Variants in MEGF6 observed in about 807,000 individuals in gnomAD.
The protein encoded by MEGF6 is multiple epidermal growth factor-like domains protein 6.
Under a neutral mutation model 207.1 loss-of-function variants are expected in MEGF6, and 184 were observed. The observed-to-expected ratio is 0.89, with a 90% CI of 0.79 to 1.00. The LOEUF (loss-of-function observed/expected upper bound fraction) is 1.00. Ranked by LOEUF, MEGF6 falls within the 50% of genes least tolerant of loss-of-function variation. MEGF6 has a pLI of 0.00. For missense variants in MEGF6, 2,282 were observed against 2,202.9 expected (o/e 1.04, Z -0.72); for synonymous variants, 1,038 against 910.0 (o/e 1.14, Z -2.53).
intron 2 of MEGF6, among the ~76,000 whole-genome samples, chr1:3,597,005 C>G (rs1210150075): frequency 6.6e-6 from 1 of 152,194 alleles, no homozygotes; most frequent in Admixed American, 6.5e-5. Flanking sequence ...GCCAACCACC[C>G]GCTCCATGCC....
chr1:3,553,568 C>G lies in MEGF6; in HGVS notation c.481+26257G>C, dbSNP rs113963882. Among the ~76,000 whole-genome samples the G allele has an allele frequency of 1.4e-3, 210 of 152,312 alleles. 1 individual carries two copies. Among genetic ancestry groups the G allele is most frequent in the African/African-American group, 4.7e-3 (196 of 41,568 alleles). On this transcript the variant is annotated intron_variant, in intron 4 of 36. Coordinates refer to ENST00000356575, the MANE Select transcript of MEGF6 (RefSeq NM_001409.4). ...CCTGAGCCAAGTCCGCCCACTGGGC[C>G]TCAGGCTATGGCAGGAGCAGGATTT...
chr1:3,517,009 C>G (rs867233557), intron 5 of MEGF6, among the ~76,000 whole-genome samples: 45 of 152,344 alleles, frequency 3.0e-4, no homozygotes, highest in Non-Finnish European at 5.4e-4. Flanking sequence ...CCCCCAGGCC[C>G]GGCCTGCCTC....
At chr1:3,521,509 G>A (rs746821554) in intron 5 of MEGF6, among the ~76,000 whole-genome samples, 15 of 152,106 alleles carry the variant, frequency 9.9e-5, no homozygotes, top group Admixed American at 3.9e-4. Context: ...ATCCCAGGCC[G>A]GCGTCTCAGG....
chr1:3,529,233 G>A (rs1453482012), intron 4 of MEGF6, among the ~76,000 whole-genome samples: 3 of 152,296 alleles, frequency 2.0e-5, no homozygotes, highest in South Asian at 2.1e-4. Flanking sequence ...ACTGGCCCCC[G>A]AGACTCAGAG....
intron 5 of MEGF6, among the ~76,000 whole-genome samples, chr1:3,519,451 G>A (rs537072801): frequency 3.0e-4 from 46 of 152,370 alleles, no homozygotes; most frequent in South Asian, 2.1e-3. Flanking sequence ...CCCAATGCCC[G>A]CAGTGCTTGC....
chr1:3,553,309 C>CGCCTCCAGCAGGACCCCCGCT (rs1553201172), intron 4 of MEGF6, among the ~76,000 whole-genome samples: 2 of 151,994 alleles, frequency 1.3e-5, no homozygotes, highest in African/African-American at 2.4e-5. Context: ...GTGAGCCTGG[C>CGCCTCCAGCAGGACCCCCGCT]GCCTCCAGCA....
rs772397862 is a variant in MEGF6, at chr1:3,489,584, C to A, written c.*944G>T. Among the ~76,000 whole-genome samples, 9 of 152,198 alleles carry A rather than the reference C, an allele frequency of 5.9e-5. No individual in the cohort carries two copies. The highest frequency in any genetic ancestry group is 1.9e-4 in the East Asian group (1 of 5,184). ...CTGCCCCTGCGATGCTGCCCTCCCC[C>A]CACTGCTGATGCTCAGGTAGGGGTG... On this transcript the variant is annotated 3_prime_UTR_variant, in exon 37 of 37. Transcript: ENST00000356575.
rs758672173 is a variant in MEGF6 at position 3,499,711 on chromosome 1, G to A, written c.2842C>T (p.Pro948Ser). 26 of 1,604,466 alleles carry A rather than the reference G, an allele frequency of 1.6e-5. No homozygotes were observed. In the African/African-American group the frequency reaches 3.1e-4, roughly 19 times the overall value. ...WRGTFCEHAC[P>S]AGFFGLDCRS... ...CAGTCCAATCCAAAGAAGCCGGCCGGGCAGGCTGCAGACAGCGGGCAGTGA... is the reference window on the plus strand; with the variant it reads ...CAGTCCAATCCAAAGAAGCCGGCCGAGCAGGCTGCAGACAGCGGGCAGTGA... Residue 948 changes from proline (P) to serine (S), a missense_variant, in exon 23 of 37, where the codon CCG becomes TCG. By Grantham distance (74) the Pro-to-Ser change is moderately conservative (BLOSUM62 -1). Transcript: ENST00000356575.
chr1:3,598,114 C>A (rs1644097854), intron 2 of MEGF6, among the ~76,000 whole-genome samples: 1 of 152,224 alleles, frequency 6.6e-6, no homozygotes, highest in Non-Finnish European at 1.5e-5. Flanking sequence ...CCCATCTCTG[C>A]CGCTGTCTGC....
At chr1:3,616,410 C>T (rs567785362), upstream of MEGF6, among the ~76,000 whole-genome samples, 56 of 152,312 alleles carry the variant, frequency 3.7e-4, no homozygotes, top group African/African-American at 1.2e-3. Context: ...TCAACACCAA[C>T]GACTGCCCCG....
intron 4 of MEGF6, among the ~76,000 whole-genome samples, chr1:3,541,571 C>G (rs1006110216): frequency 6.6e-6 from 1 of 152,194 alleles, no homozygotes; most frequent in Non-Finnish European, 1.5e-5. Context: ...ACTCGTTTCT[C>G]CCGTGCCTGG....
intron 26 of MEGF6, among the ~76,000 whole-genome samples, chr1:3,497,953 G>C (rs1189900824): frequency 5.3e-5 from 8 of 152,276 alleles, no homozygotes; most frequent in African/African-American, 1.9e-4. Context: ...GAGGGGCTGA[G>C]GCCCCGCTGG....
chr1:3,490,905 C>A lies in MEGF6; in HGVS notation c.4564+7G>T, dbSNP rs753570002. The A allele has an allele frequency of 6.3e-6, 10 of 1,586,412 alleles. No homozygotes were observed. Among genetic ancestry groups the A allele is most frequent in the Non-Finnish European group, 6.9e-6 (8 of 1,166,152 alleles). ...GCAAGCCCACGGGCATTCCCCACACCCCTTACCTGAGCCCTGGGCTAAGGA... is the reference window on the plus strand; with the variant it reads ...GCAAGCCCACGGGCATTCCCCACACACCTTACCTGAGCCCTGGGCTAAGGA... On this transcript the variant is annotated splice_region_variant and intron_variant, in intron 36 of 36. Coordinates refer to ENST00000356575, the MANE Select transcript of MEGF6 (RefSeq NM_001409.4).
At chr1:3,502,727 C>G (rs115732316) in intron 17 of MEGF6, among the ~76,000 whole-genome samples, 1,914 of 152,248 alleles carry the variant, frequency 0.013, 45 homozygotes, top group Non-Finnish European at 0.013. Flanking sequence ...TCCCCATGGC[C>G]TGGCAGAGCC....
intron 14 of MEGF6, among the ~76,000 whole-genome samples, chr1:3,507,530 C>T (rs1479448957): frequency 6.6e-6 from 1 of 152,170 alleles, no homozygotes. Flanking sequence ...GTAGTCTTAT[C>T]GTCTGCTACA....
chr1:3,539,391 C>G (rs1159949676), intron 4 of MEGF6, among the ~76,000 whole-genome samples: 1 of 152,006 alleles, frequency 6.6e-6, no homozygotes, highest in African/African-American at 2.4e-5. Context: ...GAGGGGGAGG[C>G]TCAGGGGGCT....
chr1:3,611,270 G>C lies in MEGF6; in HGVS notation c.-2C>G. ...CCTCGCCTCTTCAAGGAACGACATC[G>C]TGCGCGCCGGTGCCTCCTCCGCTCT... On this transcript the variant is annotated 5_prime_UTR_variant, in exon 1 of 37. Coordinates refer to ENST00000356575, the MANE Select transcript of MEGF6 (RefSeq NM_001409.4). 6.8e-7 allele frequency: 1 copy of C among 1,464,772 alleles called. No individual in the cohort carries two copies. Among genetic ancestry groups the C allele is most frequent in the Non-Finnish European group, 9.0e-7 (1 of 1,116,254 alleles). 90.7% of individuals were successfully genotyped at this position (1,464,772 alleles called of 1,614,324 possible).
chr1:3,529,944 C>T (rs1156880460), intron 4 of MEGF6, among the ~76,000 whole-genome samples: 4 of 152,268 alleles, frequency 2.6e-5, no homozygotes, highest in Non-Finnish European at 1.5e-5. Flanking sequence ...CCCACACTTG[C>T]CACGGGGTCC....
At chr1:3,514,425 G>T (rs1641463056) in intron 7 of MEGF6, 125 bp downstream of exon 7, 1 of 1,272,014 alleles carries the variant, frequency 7.9e-7, no homozygotes, top group Non-Finnish European at 1.0e-6. Context: ...TCACCCAAGG[G>T]GGCAAGGCCA....
Sources: allele counts gnomAD v4.1 joint callset (sites outside exome capture counted in the v4.1 genomes callset), GRCh38; gene constraint gnomAD v4.1.1; transcripts MANE v1.5; gene names NCBI Gene and HGNC (gene_info 2026-07-23, HGNC 2026-07-21).